The following LRP1B variants were observed in gnomAD, a reference collection of about 807,000 sequenced individuals.
The protein encoded by LRP1B is LDL receptor related protein 1B.
Under a neutral mutation model 556.6 loss-of-function variants are expected in LRP1B, and 217 were observed. That is an observed-to-expected ratio of 0.39 (90% confidence interval 0.35 to 0.44). LRP1B has a LOEUF of 0.44. Ranked by LOEUF, LRP1B falls within the 20% of genes least tolerant of loss-of-function variation. The pLI, the probability that LRP1B is intolerant of heterozygous loss-of-function variation, is 1.00. For missense variants in LRP1B, 5,053 were observed against 5,620.8 expected, an observed-to-expected ratio of 0.90 and a Z score of 3.23; for synonymous variants, 2,047 against 1,865.8, an observed-to-expected ratio of 1.10 and a Z score of -2.50.
intron 2 of LRP1B, among the ~76,000 whole-genome samples, chr2:141,538,374 G>A (rs1396097344): frequency 1.3e-5 from 2 of 152,030 alleles, no homozygotes; most frequent in African/African-American, 2.4e-5. Context: ...ACAAGAATAC[G>A]ATGGTAAAGT....
chr2:141,394,923 T>C (rs1690188015), intron 3 of LRP1B, among the ~76,000 whole-genome samples: 1 of 152,080 alleles, frequency 6.6e-6, no homozygotes, highest in African/African-American at 2.4e-5. Context: ...GTCAAGAAAC[T>C]TGAATGTTGC....
intron 1 of LRP1B, among the ~76,000 whole-genome samples, chr2:141,873,812 A>G (rs946525343): frequency 6.6e-6 from 1 of 151,762 alleles, no homozygotes; most frequent in Non-Finnish European, 1.5e-5. Flanking sequence ...AAAAAAAAAA[A>G]GATTTTCACT....
intron 2 of LRP1B, among the ~76,000 whole-genome samples, chr2:141,629,091 G>A (rs1157183091): frequency 1.3e-5 from 2 of 152,236 alleles, no homozygotes; most frequent in East Asian, 3.9e-4. Context: ...AGATCTCTAA[G>A]GGCTATTTTT....
chr2:141,737,135 T>C (rs7598129), intron 2 of LRP1B, among the ~76,000 whole-genome samples: 26,618 of 152,078 alleles, frequency 0.18, 3,339 homozygotes, highest in African/African-American at 0.35. Flanking sequence ...AGGTGGATCA[T>C]GAGGTGAGGA....
chr2:141,123,817 C>T (rs1472109072), intron 7 of LRP1B, among the ~76,000 whole-genome samples: 1 of 152,044 alleles, frequency 6.6e-6, no homozygotes, highest in Admixed American at 6.6e-5. Context: ...TGCTCTTTCC[C>T]TAGTCTCTTA....
chr2:141,769,467 C>T (rs1233401559), intron 2 of LRP1B, among the ~76,000 whole-genome samples: 1 of 152,162 alleles, frequency 6.6e-6, no homozygotes, highest in Non-Finnish European at 1.5e-5. Context: ...AGACAGAGAA[C>T]AGTGCTCCAA....
At chr2:141,212,051 C>T (rs1294513987) in intron 6 of LRP1B, among the ~76,000 whole-genome samples, 8 of 151,888 alleles carry the variant, frequency 5.3e-5, no homozygotes, top group Admixed American at 4.6e-4. Context: ...TTTAATAAAA[C>T]ATGTATTTGC....
At chr2:141,399,996 A>G (rs1271402811) in intron 3 of LRP1B, among the ~76,000 whole-genome samples, 1 of 151,878 alleles carries the variant, frequency 6.6e-6, no homozygotes. Context: ...GTTTGGTTTG[A>G]TTTTTTTGAG....
chr2:141,925,364 A>T (rs973219884), intron 1 of LRP1B, among the ~76,000 whole-genome samples: 1 of 152,182 alleles, frequency 6.6e-6, no homozygotes, highest in Non-Finnish European at 1.5e-5. Context: ...CTATAATATT[A>T]CAAATGAAGA....
At chr2:140,922,860 A>C (rs1694780132) in intron 21 of LRP1B, 105 bp downstream of exon 21, 4 of 992,274 alleles carry the variant, frequency 4.0e-6, no homozygotes, top group Non-Finnish European at 5.9e-6. Context: ...ATCTGCCAAA[A>C]ATATAAGATT....
At chr2:140,799,049 T>C (rs1690415728) in intron 32 of LRP1B, among the ~76,000 whole-genome samples, 1 of 152,192 alleles carries the variant, frequency 6.6e-6, no homozygotes, top group South Asian at 2.1e-4. Flanking sequence ...AATTAATTTA[T>C]ACATATTAAA....
At chr2:140,575,615 G>C (rs949389214) in intron 43 of LRP1B, among the ~76,000 whole-genome samples, 2 of 152,026 alleles carry the variant, frequency 1.3e-5, no homozygotes, top group Admixed American at 1.3e-4. Context: ...TAGGGTTTTA[G>C]CTCAGGAAAA....
chr2:142,119,666 T>G (rs1707385593), intron 1 of LRP1B, among the ~76,000 whole-genome samples: 1 of 152,120 alleles, frequency 6.6e-6, no homozygotes, highest in Non-Finnish European at 1.5e-5. Context: ...AGTGTATTCC[T>G]TTCTCTTTTT....
At chr2:140,520,219 A>G (rs556570312) in intron 49 of LRP1B, among the ~76,000 whole-genome samples, 13 of 152,316 alleles carry the variant, frequency 8.5e-5, no homozygotes, top group Middle Eastern at 6.8e-3. Context: ...ATGTCCATCA[A>G]TGATAGACTG....
At chr2:141,489,032 A>T (rs907221199) in intron 2 of LRP1B, among the ~76,000 whole-genome samples, 1 of 147,716 alleles carries the variant, frequency 6.8e-6, no homozygotes, top group Non-Finnish European at 1.5e-5. Flanking sequence ...GCTGGAGTGC[A>T]GTGGCATGAT....
intron 2 of LRP1B, among the ~76,000 whole-genome samples, chr2:141,607,498 C>G (rs140659783): frequency 6.6e-6 from 1 of 152,314 alleles, no homozygotes; most frequent in Non-Finnish European, 1.5e-5. Context: ...CTCCACCCTA[C>G]CCCATCCCCT....
intron 23 of LRP1B, among the ~76,000 whole-genome samples, chr2:140,897,516 G>C (rs994594753): frequency 6.6e-6 from 1 of 152,160 alleles, no homozygotes; most frequent in South Asian, 2.1e-4. Flanking sequence ...GTATTGTTCC[G>C]GGGTGTGTCT....
chr2:140,323,751 T>C (rs1021124640), intron 81 of LRP1B, 142 bp downstream of exon 81: 1 of 415,970 alleles, frequency 2.4e-6, no homozygotes. Context: ...GTTGAAAAAG[T>C]CTAGTGACAT....
At chr2:141,478,087 C>T (rs576805409) in intron 3 of LRP1B, among the ~76,000 whole-genome samples, 22 of 151,976 alleles carry the variant, frequency 1.4e-4, no homozygotes, top group Non-Finnish European at 2.8e-4. Flanking sequence ...TGTCCTAATC[C>T]AATATATATG....
Sources: gnomAD v4.1 joint callset for allele counts (sites outside exome capture counted in the v4.1 genomes callset) on GRCh38, gnomAD v4.1.1 for gene constraint, MANE v1.5 for transcripts, NCBI Gene and HGNC (gene_info 2026-07-23, HGNC 2026-07-21) for gene names.